ZNF69: variants seen among roughly 807,000 people sequenced by gnomAD.
The protein encoded by ZNF69 is ZNF3.
A neutral mutation model predicts 50.9 loss-of-function variants in ZNF69; 47 were observed. That is an observed-to-expected ratio of 0.92 (90% confidence interval 0.73 to 1.18). The LOEUF (loss-of-function observed/expected upper bound fraction) is 1.18. ZNF69 is among the 50% of genes most tolerant of loss of function. The pLI is 0.00. For synonymous variants in ZNF69, 216 were observed against 223.1 expected (o/e 0.97, Z 0.29); for missense variants, 717 against 675.1 (o/e 1.06, Z -0.69).
chr19:11,952,167 G>A, the ZNF69 span, among the ~76,000 whole-genome samples: 1 of 150,764 alleles, frequency 6.6e-6, no homozygotes, highest in South Asian at 2.1e-4. Context: ...CAACAAGAGT[G>A]AAACTCCATC....
chr19:11,910,114 G>A (rs899110524), downstream of ZNF69, among the ~76,000 whole-genome samples: 4 of 151,928 alleles, frequency 2.6e-5, no homozygotes, highest in African/African-American at 7.3e-5. Context: ...CAACTTACAA[G>A]GGATGTGAAG....
At position 11,906,506 on chromosome 19, in the gene ZNF69, T is replaced by C. The variant is rs908938217; in HGVS notation, c.*408T>C. Among the ~76,000 whole-genome samples, 2 of 152,172 alleles carry C rather than the reference T, an allele frequency of 1.3e-5. No homozygotes were observed. The highest frequency in any genetic ancestry group is 2.9e-5 in the Non-Finnish European group (2 of 68,044). On this transcript the variant is annotated 3_prime_UTR_variant, in exon 4 of 4. Transcript: ENST00000429654. ...AGAGGAAGGATCAGGCAACAACATT[T>C]GCCGTTCTGCAATATTTGCTGTTCT...
chr19:11,943,562 G>T, the ZNF69 span, among the ~76,000 whole-genome samples: 1 of 151,976 alleles, frequency 6.6e-6, no homozygotes, highest in African/African-American at 2.4e-5. Flanking sequence ...TTATTTCAAA[G>T]ACTGTGATCA....
the ZNF69 span, chr19:11,956,701 C>T: frequency 2.6e-6 from 1 of 392,120 alleles, no homozygotes. Flanking sequence ...ACTAAAAATA[C>T]AAAAATTAGC....
At chr19:11,956,663 C>G in the ZNF69 span, 2 of 397,142 alleles carry the variant, frequency 5.0e-6, no homozygotes, top group Non-Finnish European at 4.4e-6. Context: ...TGATACCAAC[C>G]TGGCCAAAAT....
chr19:11,960,334 T>C, the ZNF69 span, among the ~76,000 whole-genome samples: 3 of 152,262 alleles, frequency 2.0e-5, no homozygotes, highest in South Asian at 6.2e-4. Context: ...TTCTTGTTTT[T>C]AATTTGAGAC....
At chr19:11,922,125 G>GA in the ZNF69 span, among the ~76,000 whole-genome samples, 79 of 140,506 alleles carry the variant, frequency 5.6e-4, no homozygotes, top group Middle Eastern at 7.2e-3. Flanking sequence ...AATGTTGAAG[G>GA]AAAAAAAAAA....
the ZNF69 span, chr19:11,978,738 C>G: frequency 2.5e-6 from 4 of 1,614,020 alleles, no homozygotes; most frequent in Non-Finnish European, 3.4e-6. Flanking sequence ...CAGTTCTTTT[C>G]AAGCACATAA....
chr19:11,914,588 G>A (rs897903923), downstream of ZNF69, among the ~76,000 whole-genome samples: 2 of 152,170 alleles, frequency 1.3e-5, no homozygotes, highest in Non-Finnish European at 2.9e-5. Context: ...TGCTGCTGAG[G>A]CTAACTTGTC....
At chr19:11,907,484 A>C (rs1599361350), downstream of ZNF69, among the ~76,000 whole-genome samples, 2 of 152,366 alleles carry the variant, frequency 1.3e-5, no homozygotes, top group East Asian at 3.9e-4. Flanking sequence ...TCTTGGCAGA[A>C]ACTCTACAAG....
chr19:11,965,315 G>A, the ZNF69 span: 2 of 1,517,216 alleles, frequency 1.3e-6, no homozygotes, highest in Non-Finnish European at 1.8e-6. Flanking sequence ...CGACTCCAGG[G>A]TCTGGGACCG....
chr19:11,915,432 G>T (rs1406752972), downstream of ZNF69, among the ~76,000 whole-genome samples: 1 of 152,206 alleles, frequency 6.6e-6, no homozygotes, highest in Non-Finnish European at 1.5e-5. Context: ...ACACTGGAGA[G>T]CCTGACATTG....
At chr19:11,936,526 G>A in the ZNF69 span, among the ~76,000 whole-genome samples, 1 of 152,130 alleles carries the variant, frequency 6.6e-6, no homozygotes, top group Non-Finnish European at 1.5e-5. Flanking sequence ...CCCACTTTTT[G>A]ATGGGGTTGT....
intron 1 of ZNF69, 69 bp downstream of exon 1, chr19:11,888,055 G>A: frequency 6.6e-7 from 1 of 1,510,310 alleles, no homozygotes; most frequent in Non-Finnish European, 9.1e-7. Flanking sequence ...ACCGACTGTG[G>A]CGAGACCCTG....
the ZNF69 span, among the ~76,000 whole-genome samples, chr19:11,934,179 A>T: frequency 6.8e-6 from 1 of 146,624 alleles, no homozygotes; most frequent in African/African-American, 2.7e-5. Context: ...GACCTCATCT[A>T]TTTTTTTTTA....
chr19:11,899,311 TTATC>T (rs765891745), intron 1 of ZNF69, among the ~76,000 whole-genome samples: 26 of 152,194 alleles, frequency 1.7e-4, no homozygotes, highest in Admixed American at 2.6e-4. Flanking sequence ...TTTTCTTTCT[TTATC>T]TAAAGATTTT....
At chr19:11,923,716 G>A in the ZNF69 span, among the ~76,000 whole-genome samples, 1 of 152,234 alleles carries the variant, frequency 6.6e-6, no homozygotes, top group East Asian at 1.9e-4. Flanking sequence ...AAGCATAGGA[G>A]GAGAGCAGGG....
chr19:11,960,715 G>A, the ZNF69 span, among the ~76,000 whole-genome samples: 1 of 150,724 alleles, frequency 6.6e-6, no homozygotes, highest in South Asian at 2.1e-4. Context: ...TTTTCATTAT[G>A]ACTACTTGTT....
chr19:11,897,442 A>T (rs958918748), intron 1 of ZNF69, among the ~76,000 whole-genome samples: 1 of 151,942 alleles, frequency 6.6e-6, no homozygotes, highest in Non-Finnish European at 1.5e-5. Context: ...CGTCACTGTG[A>T]TGTGTGCCTG....
Sources: gnomAD v4.1 joint callset for allele counts (sites outside exome capture counted in the v4.1 genomes callset) on GRCh38, gnomAD v4.1.1 for gene constraint, MANE v1.5 for transcripts, NCBI Gene and HGNC (gene_info 2026-07-23, HGNC 2026-07-21) for gene names.